SERPINI1: variants seen among roughly 807,000 people sequenced by gnomAD.
The protein encoded by SERPINI1 is serpin family I member 1.
SERPINI1 carries 19 observed loss-of-function variants against 41.1 expected under a neutral mutation model. The ratio of observed to expected loss-of-function variants is 0.46; its 90% confidence interval spans 0.32 to 0.68. The LOEUF (loss-of-function observed/expected upper bound fraction) is 0.68. SERPINI1 is among the 30% of genes least tolerant of loss of function. The pLI, the probability that SERPINI1 is intolerant of heterozygous loss-of-function variation, is 0.03. For missense variants in SERPINI1, 460 were observed against 479.2 expected (o/e 0.96, Z 0.37); for synonymous variants, 138 against 156.6 (o/e 0.88, Z 0.89).
At chr3:167,775,493 A>T (rs1163835085) in intron 1 of SERPINI1, among the ~76,000 whole-genome samples, 1 of 152,000 alleles carries the variant, frequency 6.6e-6, no homozygotes, top group Non-Finnish European at 1.5e-5. Flanking sequence ...TGATTAGAGG[A>T]TGAGTCAGGC....
intron 1 of SERPINI1, among the ~76,000 whole-genome samples, chr3:167,756,159 G>T (rs1037140250): frequency 5.3e-5 from 8 of 151,994 alleles, no homozygotes; most frequent in Non-Finnish European, 8.8e-5. Context: ...ACATTCCTAG[G>T]TATCCATGCC....
At chr3:167,800,711 T>A (rs1291665183) in intron 5 of SERPINI1, among the ~76,000 whole-genome samples, 1 of 152,224 alleles carries the variant, frequency 6.6e-6, no homozygotes, top group Admixed American at 6.5e-5. Flanking sequence ...CCTGATATTT[T>A]GAAATAATTG....
intron 1 of SERPINI1, among the ~76,000 whole-genome samples, chr3:167,749,046 T>C (rs535602667): frequency 3.3e-4 from 50 of 152,184 alleles, no homozygotes; most frequent in Non-Finnish European, 5.9e-4. Context: ...CATTTAAATC[T>C]TTACAAGGAT....
At chr3:167,759,399 G>GTTATATATATATATATATATATATAT in intron 1 of SERPINI1, among the ~76,000 whole-genome samples, 1 of 81,618 alleles carries the variant, frequency 1.2e-5, no homozygotes, top group African/African-American at 6.5e-5. Flanking sequence ...AAGAAAATGT[G>GTTATATATATATATATATATATATAT]GTATATATAT....
intron 6 of SERPINI1, among the ~76,000 whole-genome samples, chr3:167,816,942 T>C (rs1712113346): frequency 6.6e-6 from 1 of 152,006 alleles, no homozygotes; most frequent in South Asian, 2.1e-4. Flanking sequence ...GGGCAAAGAA[T>C]GCTAATGGAA....
intron 5 of SERPINI1, among the ~76,000 whole-genome samples, chr3:167,801,374 G>A (rs73034696): frequency 0.068 from 10,320 of 152,156 alleles, 1,201 homozygotes; most frequent in African/African-American, 0.24. Context: ...TAAAAGCAGT[G>A]TCATGGCTTT....
At chr3:167,784,825 A>G (rs34849695) in intron 1 of SERPINI1, among the ~76,000 whole-genome samples, 19,209 of 152,204 alleles carry the variant, frequency 0.13, 1,458 homozygotes, top group African/African-American at 0.21. Context: ...GGGACATAGC[A>G]AAACCATATC....
intron 1 of SERPINI1, among the ~76,000 whole-genome samples, chr3:167,739,318 T>C (rs1194233425): frequency 6.6e-6 from 1 of 152,166 alleles, no homozygotes; most frequent in Non-Finnish European, 1.5e-5. Flanking sequence ...CATTGGACAA[T>C]ACTTCTGTAA....
At chr3:167,740,078 G>C (rs1301432252) in intron 1 of SERPINI1, among the ~76,000 whole-genome samples, 4 of 150,252 alleles carry the variant, frequency 2.7e-5, no homozygotes, top group Non-Finnish European at 5.9e-5. Context: ...TGTCGCCCAG[G>C]CTGGAATGCA....
intron 6 of SERPINI1, among the ~76,000 whole-genome samples, chr3:167,819,905 C>T (rs1030496978): frequency 1.3e-5 from 2 of 152,160 alleles, no homozygotes; most frequent in African/African-American, 4.8e-5. Flanking sequence ...AATTCTTTTT[C>T]TTACTCTCCT....
At chr3:167,744,315 GTTATT>G (rs1448546568) in intron 1 of SERPINI1, among the ~76,000 whole-genome samples, 2 of 151,784 alleles carry the variant, frequency 1.3e-5, no homozygotes, top group African/African-American at 4.8e-5. Context: ...CTCATTAAAT[GTTATT>G]TTATTAAACG....
intron 5 of SERPINI1, among the ~76,000 whole-genome samples, chr3:167,801,622 T>C (rs895907371): frequency 6.6e-6 from 1 of 152,048 alleles, no homozygotes; most frequent in Non-Finnish European, 1.5e-5. Context: ...ACTTATCTCA[T>C]AGGGTTGTTC....
chr3:167,766,224 TAAA>T (rs34346585), intron 1 of SERPINI1, among the ~76,000 whole-genome samples: 1 of 126,126 alleles, frequency 7.9e-6, no homozygotes. Flanking sequence ...GCAATTTACC[TAAA>T]AAAAAAAAAA....
chr3:167,755,134 G>C (rs1204873083), intron 1 of SERPINI1, among the ~76,000 whole-genome samples: 2 of 152,166 alleles, frequency 1.3e-5, no homozygotes, highest in Non-Finnish European at 2.9e-5. Flanking sequence ...CTCATTGTAA[G>C]CATTAAGATA....
At chr3:167,784,880 T>G (rs765064662) in intron 1 of SERPINI1, among the ~76,000 whole-genome samples, 16 of 152,140 alleles carry the variant, frequency 1.1e-4, no homozygotes, top group Non-Finnish European at 8.8e-5. Context: ...ATTGTTTAAC[T>G]TAAAAAAATA....
intron 1 of SERPINI1, among the ~76,000 whole-genome samples, chr3:167,747,789 A>G (rs1244199903): frequency 6.6e-6 from 1 of 152,234 alleles, no homozygotes; most frequent in Admixed American, 6.5e-5. Context: ...GGAAGATAGA[A>G]TTATGAGGAA....
Position 167,825,380 on chromosome 3 carries a change from G to C in SERPINI1, c.*57G>C. On this transcript the variant is annotated 3_prime_UTR_variant, in exon 9 of 9. Transcript: ENST00000446050. ...AACTAAGCACATTATGTTTGCAACT[G>C]GTATATATTTAGGATTTGTGTTTTA... 9.5e-7 allele frequency: 1 copy of C among 1,051,354 alleles called. No homozygotes were observed. The allele number at this position is 1,051,354 out of a possible 1,614,324, so 65.1% of individuals were successfully genotyped here.
At chr3:167,779,679 G>A (rs1169221436) in intron 1 of SERPINI1, among the ~76,000 whole-genome samples, 1 of 152,020 alleles carries the variant, frequency 6.6e-6, no homozygotes, top group Admixed American at 6.6e-5. Context: ...TTTTCTTCCG[G>A]TAAATTAACT....
rs904563305 is a variant in SERPINI1, at chr3:167,744,665, A to T, written c.-19+8842A>T. ...ATATATAAATATATATAAATATAAA[A>T]ATATATATATAAATATATATATAAA... On this transcript the variant is annotated intron_variant, in intron 1 of 8. Coordinates refer to ENST00000446050, the MANE Select transcript of SERPINI1 (RefSeq NM_001122752.2). Among the ~76,000 whole-genome samples, 325 of 118,228 alleles carry T rather than the reference A, an allele frequency of 2.7e-3. 1 individual carries two copies. Among genetic ancestry groups the T allele is most frequent in the African/African-American group, 0.011 (289 of 26,864 alleles). 77.6% of individuals were successfully genotyped at this position (118,228 alleles called of 152,430 possible).
Sources: gnomAD v4.1 joint callset for allele counts (sites outside exome capture counted in the v4.1 genomes callset) on GRCh38, gnomAD v4.1.1 for gene constraint, MANE v1.5 for transcripts, NCBI Gene and HGNC (gene_info 2026-07-23, HGNC 2026-07-21) for gene names.